Variants in KITLG observed in about 807,000 individuals in gnomAD.
The protein encoded by KITLG is c-Kit ligand.
KITLG carries 13 observed loss-of-function variants against 34.1 expected under a neutral mutation model. The ratio of observed to expected loss-of-function variants is 0.38; its 90% CI spans 0.25 to 0.61. The LOEUF (loss-of-function observed/expected upper bound fraction) is 0.61, where lower values mean the gene tolerates loss of function less well. Ranked by LOEUF, KITLG falls within the 20% of genes least tolerant of loss-of-function variation. The probability of loss-of-function intolerance (pLI) is 0.60; values close to 1 mark genes in which losing one functional copy is unlikely to be tolerated. For missense variants in KITLG, 292 were observed against 318.9 expected (o/e 0.92, Z 0.64); for synonymous variants, 110 against 104.0 (o/e 1.06, Z -0.35).
intron 1 of KITLG, among the ~76,000 whole-genome samples, chr12:88,551,295 C>T (rs1054409091): frequency 9.2e-5 from 14 of 152,246 alleles, no homozygotes; most frequent in African/African-American, 3.4e-4. Flanking sequence ...AATGACACCT[C>T]CTTCATCAGT....
intron 2 of KITLG, among the ~76,000 whole-genome samples, chr12:88,534,374 CTTTTT>C (rs763194236): frequency 2.0e-5 from 3 of 151,276 alleles, no homozygotes; most frequent in African/African-American, 7.3e-5. Flanking sequence ...ATCATTGCTG[CTTTTT>C]TTTTCTTTTT....
chr12:88,542,865 AT>A (rs1870571853), intron 2 of KITLG, among the ~76,000 whole-genome samples: 1 of 152,122 alleles, frequency 6.6e-6, no homozygotes, highest in Admixed American at 6.6e-5. Context: ...CTTTAAACAT[AT>A]TTTGGAGATT....
chr12:88,515,680 G>T, intron 5 of KITLG, 63 bp from the exon 6 acceptor site: 2 of 1,215,864 alleles, frequency 1.6e-6, no homozygotes, highest in Non-Finnish European at 2.4e-6. Context: ...TAGAGTCCCT[G>T]AAAGGTGAAG....
intron 3 of KITLG, among the ~76,000 whole-genome samples, chr12:88,519,139 A>C (rs538331052): frequency 6.6e-6 from 1 of 152,006 alleles, no homozygotes; most frequent in African/African-American, 2.4e-5. Flanking sequence ...TGGGATTACA[A>C]GCATGAACCA....
At chr12:88,553,963 G>A (rs961121180) in intron 1 of KITLG, among the ~76,000 whole-genome samples, 11 of 152,150 alleles carry the variant, frequency 7.2e-5, no homozygotes, top group African/African-American at 2.7e-4. Context: ...CAAAGGTCTT[G>A]CTTAATTTTC....
chr12:88,493,341 A>C lies in KITLG; in HGVS notation c.*3878T>G, dbSNP rs1868479083. 6.6e-6 allele frequency: 1 copy of C among 152,302 alleles called. No homozygotes were observed. The highest frequency in any genetic ancestry group is 2.4e-5 in the African/African-American group (1 of 41,414). 9.4% of individuals were successfully genotyped at this position (152,302 alleles called of 1,614,324 possible). ...GCTTAGTAAACATTTCAGGATCACA[A>C]ATATCCATTTTAGCATGGATTATTT... On this transcript the variant is annotated 3_prime_UTR_variant, in exon 10 of 10. Transcript: ENST00000644744.
chr12:88,532,514 A>C lies in KITLG; in HGVS notation c.130-11T>G. The C allele has an allele frequency of 1.1e-6, 1 of 909,204 alleles. No homozygotes were observed. The highest frequency in any genetic ancestry group is 1.5e-6 in the Non-Finnish European group (1 of 668,524). 56.3% of individuals were successfully genotyped at this position (909,204 alleles called of 1,614,324 possible). On this transcript the variant is annotated splice_polypyrimidine_tract_variant and intron_variant, in intron 2 of 9. Coordinates refer to ENST00000644744, the MANE Select transcript of KITLG (RefSeq NM_000899.5). ...TGGAAGATTTGCCACCTACAGAGAC[A>C]AAAAAAAAAATTCCATAAGAAAATT...
At chr12:88,557,589 C>A (rs1211442910) in intron 1 of KITLG, among the ~76,000 whole-genome samples, 3 of 152,076 alleles carry the variant, frequency 2.0e-5, no homozygotes, top group Non-Finnish European at 2.9e-5. Flanking sequence ...TAGTTTAATT[C>A]TCAACTATCA....
At chr12:88,574,407 C>T (rs1041014069) in intron 1 of KITLG, among the ~76,000 whole-genome samples, 4 of 152,128 alleles carry the variant, frequency 2.6e-5, no homozygotes, top group African/African-American at 9.7e-5. Flanking sequence ...TGGACCCAGA[C>T]AAAAGCCAGC....
intron 6 of KITLG, among the ~76,000 whole-genome samples, chr12:88,510,534 T>C (rs909520566): frequency 6.6e-6 from 1 of 152,224 alleles, no homozygotes; most frequent in African/African-American, 2.4e-5. Context: ...AGACTATTTC[T>C]AGAAAATGTA....
intron 1 of KITLG, among the ~76,000 whole-genome samples, chr12:88,574,575 A>G (rs191946945): frequency 3.3e-5 from 5 of 152,158 alleles, no homozygotes; most frequent in Admixed American, 1.3e-4. Context: ...AGACTGGGAG[A>G]CTAGTCCAAG....
intron 1 of KITLG, 42 bp from the exon 2 acceptor site, chr12:88,545,907 G>A (rs2120912862): frequency 8.5e-7 from 1 of 1,183,012 alleles, no homozygotes; most frequent in Non-Finnish European, 1.3e-6. Context: ...CATCAGTTAA[G>A]ATCTGTAATC....
chr12:88,567,423 AAC>A (rs1434939109), intron 1 of KITLG, among the ~76,000 whole-genome samples: 2 of 152,188 alleles, frequency 1.3e-5, no homozygotes, highest in African/African-American at 4.8e-5. Context: ...CATCAAAAAG[AAC>A]ATAACAGTTT....
chr12:88,552,870 C>A (rs999085231), intron 1 of KITLG, among the ~76,000 whole-genome samples: 1 of 152,064 alleles, frequency 6.6e-6, no homozygotes, highest in Non-Finnish European at 1.5e-5. Context: ...CCTGAGTATC[C>A]ATTTATCAGC....
intron 6 of KITLG, among the ~76,000 whole-genome samples, chr12:88,511,229 C>A (rs973302434): frequency 6.6e-6 from 1 of 152,142 alleles, no homozygotes; most frequent in Non-Finnish European, 1.5e-5. Context: ...TTTCCAAATA[C>A]GATGGTAGCA....
Position 88,494,746 on chromosome 12 carries a change from A to T in KITLG, c.*2473T>A, listed in dbSNP as rs1868547551. ...ACTTCTGAGATCATTTTAAAAGGTA[A>T]TTTTGAAACCTTCCAAGATGGAACT... On this transcript the variant is annotated 3_prime_UTR_variant, in exon 10 of 10. Transcript: ENST00000644744. 2 of 152,310 alleles carry T rather than the reference A, an allele frequency of 1.3e-5. No homozygotes were observed. The highest frequency in any genetic ancestry group is 4.8e-5 in the African/African-American group (2 of 41,428). The allele number at this position is 152,310 out of a possible 1,614,324, so 9.4% of individuals were successfully genotyped here.
At chr12:88,550,591 A>G (rs1870876698) in intron 1 of KITLG, among the ~76,000 whole-genome samples, 1 of 152,210 alleles carries the variant, frequency 6.6e-6, no homozygotes, top group Non-Finnish European at 1.5e-5. Context: ...ACTTTCATAT[A>G]TCCTAATTTT....
chr12:88,574,359 G>A (rs1202715159), intron 1 of KITLG, among the ~76,000 whole-genome samples: 1 of 152,106 alleles, frequency 6.6e-6, no homozygotes, highest in Non-Finnish European at 1.5e-5. Context: ...TCTCAGCTAA[G>A]GAAAGGAGGT....
At chr12:88,501,627 T>C (rs577325548) in intron 9 of KITLG, among the ~76,000 whole-genome samples, 10 of 152,262 alleles carry the variant, frequency 6.6e-5, no homozygotes, top group African/African-American at 2.2e-4. Context: ...AGTCAATAGA[T>C]GATTACAAAT....
Sources: allele counts gnomAD v4.1 joint callset (sites outside exome capture counted in the v4.1 genomes callset), GRCh38; gene constraint gnomAD v4.1.1; transcripts MANE v1.5; gene names NCBI Gene and HGNC (gene_info 2026-07-23, HGNC 2026-07-21).